Variants in POT1 observed in about 807,000 individuals in gnomAD.
POT1 encodes the protein protection of telomeres protein 1.
In POT1, 47 loss-of-function variants were observed where a neutral mutation model predicts 78.5. That is an observed-to-expected ratio of 0.60 (90% CI 0.47 to 0.76). The LOEUF (loss-of-function observed/expected upper bound fraction) is 0.76, where lower values mean the gene tolerates loss of function less well. Ranked by LOEUF, POT1 falls within the 30% of genes least tolerant of loss-of-function variation. The pLI is 0.00. For missense variants in POT1, 646 were observed against 749.9 expected, an observed-to-expected ratio of 0.86 and a Z score of 1.62; for synonymous variants, 259 against 260.7, an observed-to-expected ratio of 0.99 and a Z score of 0.06.
chr7:124,886,363 G>A (rs1796243362), intron 6 of POT1, among the ~76,000 whole-genome samples: 1 of 151,886 alleles, frequency 6.6e-6, no homozygotes, highest in Admixed American at 6.6e-5. Context: ...ATTTTAAAAG[G>A]CACAGCTGTG....
chr7:124,827,426 T>C, intron 16 of POT1, 121 bp from the exon 17 acceptor site: 2 of 466,536 alleles, frequency 4.3e-6, no homozygotes, highest in Non-Finnish European at 3.6e-6. Context: ...TAACTCAAGA[T>C]ACAAAGAAAA....
At chr7:124,904,736 T>G (rs2116667006) in intron 3 of POT1, among the ~76,000 whole-genome samples, 1 of 152,280 alleles carries the variant, frequency 6.6e-6, no homozygotes, top group South Asian at 2.1e-4. Flanking sequence ...TGATTATATG[T>G]TTAGAAAACC....
Position 124,829,328 on chromosome 7 carries a change from G to A in POT1, c.1520C>T (p.Ser507Phe). 1 of 1,576,814 alleles carries A rather than the reference G, an allele frequency of 6.3e-7. No homozygotes were observed. The highest frequency in any genetic ancestry group is 8.7e-7 in the Non-Finnish European group (1 of 1,147,438). ...TIHHYGCKQC[S>F]SLRSIQNLNS... ...TAGATTTTGTATGGATCTCAAACTA[G>A]AACACTGTTTACATCTGAAATTTAT... The change falls in exon 16 of 19, where the codon TCT (serine) becomes TTT (phenylalanine). Residue 507 changes from serine to phenylalanine, a missense_variant. By Grantham distance (155) the Ser-to-Phe change is radical. This residue lies in a region of POT1 where 394 missense variants were observed against 408.4 expected (regional missense o/e 0.96). Coordinates refer to ENST00000357628, the MANE Select transcript of POT1 (RefSeq NM_015450.3).
At chr7:124,855,171 A>G (rs945659517) in intron 9 of POT1, among the ~76,000 whole-genome samples, 16 of 150,310 alleles carry the variant, frequency 1.1e-4, no homozygotes, top group Non-Finnish European at 1.8e-4. Flanking sequence ...AGGATAATAA[A>G]CATAGGTATA....
chr7:124,923,461 T>A (rs1797199693), intron 2 of POT1, among the ~76,000 whole-genome samples: 1 of 151,704 alleles, frequency 6.6e-6, no homozygotes, highest in East Asian at 1.9e-4. Context: ...AATTTTGAAA[T>A]AATGCGGTCA....
rs1794526548 is a variant in POT1, at chr7:124,822,444, A to T, written c.*1518T>A. On this transcript the variant is annotated 3_prime_UTR_variant, in exon 19 of 19. Coordinates refer to ENST00000357628, the MANE Select transcript of POT1 (RefSeq NM_015450.3). ...ATAAGAAGAGACATGGCCTATCATC[A>T]TGAAGATTCATAGGAAGAGTTTTCC... 5 of 396,374 alleles carry T rather than the reference A, an allele frequency of 1.3e-5. No homozygotes were observed. The highest frequency in any genetic ancestry group is 5.3e-5 in the Admixed American group (2 of 37,792). The allele number at this position is 396,374 out of a possible 1,614,324, so 24.6% of individuals were successfully genotyped here. A position where few individuals can be genotyped will look rare whatever the true frequency, so the allele number is the denominator to read the frequency against.
Position 124,824,038 on chromosome 7 carries a change from T to C in POT1, c.1829A>G (p.Tyr610Cys), listed in dbSNP as rs1363813360. ...YPWLECFIKS[Y>C]NVTNGTDNQI... The stretch of plus-strand genomic sequence containing the variant: ...ATTATCTGTTCCATTTGTGACATTG[T>C]ATGACTTGATGAAGCATTCCAACCA... Residue 610 changes from tyrosine (Y) to cysteine (C), a missense_variant, in exon 19 of 19, where the codon TAC (tyrosine) becomes TGC (cysteine). Coordinates refer to ENST00000357628, the MANE Select transcript of POT1 (RefSeq NM_015450.3). 2 of 1,608,754 alleles carry C rather than the reference T, an allele frequency of 1.2e-6. No homozygotes were observed. Among genetic ancestry groups the C allele is most frequent in the South Asian group, 1.1e-5 (1 of 90,420 alleles).
chr7:124,898,862 T>C (rs1796555280), intron 3 of POT1, among the ~76,000 whole-genome samples: 1 of 152,188 alleles, frequency 6.6e-6, no homozygotes, highest in Admixed American at 6.5e-5. Context: ...ATTTTCTTTC[T>C]ACTTAGGTTT....
chr7:124,914,527 C>T (rs1364146011), intron 3 of POT1, among the ~76,000 whole-genome samples: 1 of 152,124 alleles, frequency 6.6e-6, no homozygotes, highest in Non-Finnish European at 1.5e-5. Flanking sequence ...GAATAAAAGC[C>T]CTTCTTCTGA....
chr7:124,904,503 A>G (rs552822160), intron 3 of POT1, among the ~76,000 whole-genome samples: 74 of 152,298 alleles, frequency 4.9e-4, no homozygotes, highest in Middle Eastern at 3.4e-3. Flanking sequence ...TCTCAAAATA[A>G]TAAGAGCTAT....
chr7:124,898,966 CT>C (rs1796556968), intron 3 of POT1, among the ~76,000 whole-genome samples: 1 of 152,174 alleles, frequency 6.6e-6, no homozygotes, highest in African/African-American at 2.4e-5. Context: ...AACAGAAATA[CT>C]AAAAGAGTTT....
intron 2 of POT1, among the ~76,000 whole-genome samples, chr7:124,927,645 C>T (rs1196889099): frequency 1.2e-4 from 19 of 152,174 alleles, no homozygotes; most frequent in African/African-American, 2.4e-4. Flanking sequence ...CTCTTCTCTT[C>T]TATGCTTTGG....
In POT1 at chr7:124,863,472, T is replaced by A. The variant is rs1795648162; in HGVS notation, c.424A>T (p.Thr142Ser). The change falls in exon 8 of 19, where the codon ACT (threonine) becomes TCT (serine). Residue 142 changes from threonine to serine, a missense_variant. Thr to Ser is a moderately conservative substitution (Grantham distance 58). Transcript: ENST00000357628. ...AATGTCCAAGACGGTGACATATGAG[T>A]AGATGCCCAAACACGTAAGGCTTCT... ...MVEALRVWAS[T>S]HMSPSWTLLK... The A allele has an allele frequency of 6.2e-7, 1 of 1,613,924 alleles. No homozygotes were observed. Among genetic ancestry groups the A allele is most frequent in the East Asian group, 2.2e-5 (1 of 44,868 alleles).
rs1794662651 is a variant in POT1 at position 124,827,577 on chromosome 7, G to A, written c.1595-272C>T. On this transcript the variant is annotated intron_variant, in intron 16 of 18. Transcript: ENST00000357628. Reference sequence around the variant, plus strand: ...ACATAAGTCTTCTGCGCTGATTGCTGTGGTGGCAGAGCAGAGGACAGTTTG... The same window carrying A: ...ACATAAGTCTTCTGCGCTGATTGCTATGGTGGCAGAGCAGAGGACAGTTTG... Among the ~76,000 whole-genome samples, 3 of 152,282 alleles carry A rather than the reference G, an allele frequency of 2.0e-5. No individual in the cohort carries two copies. In the South Asian group the frequency reaches 6.2e-4, roughly 32 times the overall value.
Position 124,888,588 on chromosome 7 carries a change from G to T in POT1, c.124+3678C>A, listed in dbSNP as rs2116619932. On this transcript the variant is annotated intron_variant, in intron 6 of 18. Coordinates refer to ENST00000357628, the MANE Select transcript of POT1 (RefSeq NM_015450.3). ...TAATAAAGGCATAACTCATGTAATT[G>T]TACTTTACTTTGTTGTACTTTGTAA... 2.0e-5 allele frequency among the ~76,000 whole-genome samples: 3 copies of T among 152,034 alleles called. 1 individual carries two copies. Among genetic ancestry groups the T allele is most frequent in the African/African-American group, 7.2e-5 (3 of 41,506 alleles).
At chr7:124,911,855 C>T (rs77753273) in intron 3 of POT1, among the ~76,000 whole-genome samples, 2,596 of 152,184 alleles carry the variant, frequency 0.017, 72 homozygotes, top group African/African-American at 0.059. Context: ...AAAAATGGTA[C>T]CATTTCTCAA....
intron 6 of POT1, among the ~76,000 whole-genome samples, chr7:124,888,140 A>AT (rs1047268553): frequency 1.3e-5 from 2 of 151,998 alleles, no homozygotes; most frequent in Non-Finnish European, 2.9e-5. Flanking sequence ...CATTGAATTG[A>AT]TTTTTTTGTG....
intron 14 of POT1, 29 bp downstream of exon 14, chr7:124,840,944 C>T: frequency 1.3e-6 from 2 of 1,525,792 alleles, no homozygotes; most frequent in Non-Finnish European, 1.8e-6. Flanking sequence ...AAGGAGTATT[C>T]TAACAAAACA....
In POT1 at chr7:124,859,122, G is replaced by C. The variant is rs1413025095; in HGVS notation, c.547-10C>G. On this transcript the variant is annotated splice_polypyrimidine_tract_variant and intron_variant, in intron 8 of 18. Transcript: ENST00000357628. ...TGGTGCCATCCCATACCTGCCATAA[G>C]AGAGTAGAGTAGTTTTATGATCCTT... is the stretch of plus-strand genomic sequence containing the variant. The C allele has an allele frequency of 6.4e-7, 1 of 1,556,822 alleles. No individual in the cohort carries two copies. Among genetic ancestry groups the C allele is most frequent in the Non-Finnish European group, 8.7e-7 (1 of 1,150,140 alleles).
Sources: gnomAD v4.1 joint callset for allele counts (sites outside exome capture counted in the v4.1 genomes callset) on GRCh38, gnomAD v4.1.1 for gene constraint, gnomAD v4.1.1 regional missense constraint, MANE v1.5 for transcripts, NCBI Gene and HGNC (gene_info 2026-07-23, HGNC 2026-07-21) for gene names.